ADGRB3: variants seen among roughly 807,000 people sequenced by gnomAD.
The protein encoded by ADGRB3 is adhesion G protein-coupled receptor B3, also known as brain-specific angiogenesis inhibitor 3.
In ADGRB3, 37 loss-of-function variants were observed where a neutral mutation model predicts 193.4. That is an observed-to-expected ratio of 0.19 (90% CI 0.15 to 0.25). The LOEUF is 0.25. Ranked by LOEUF, ADGRB3 falls within the 10% of genes least tolerant of loss-of-function variation. ADGRB3 has a pLI of 1.00. For synonymous variants in ADGRB3, 690 were observed against 644.2 expected, an observed-to-expected ratio of 1.07 and a Z score of -1.08; for missense variants, 1,637 against 1,852.9, an observed-to-expected ratio of 0.88 and a Z score of 2.14.
intron 15 of ADGRB3, among the ~76,000 whole-genome samples, chr6:69,060,206 GTCTCTCTCTCTCTTTC>G: frequency 1.4e-5 from 1 of 69,770 alleles, no homozygotes; most frequent in South Asian, 3.8e-4. Context: ...CTCTTTCTCT[GTCTCTCTCTCTCTTTC>G]TCTCTCTCTC....
At chr6:68,782,271 C>T (rs929909735) in intron 3 of ADGRB3, among the ~76,000 whole-genome samples, 3 of 151,558 alleles carry the variant, frequency 2.0e-5, no homozygotes, top group Non-Finnish European at 2.9e-5. Flanking sequence ...TGGTTTCCAG[C>T]GTCATCTATG....
chr6:68,817,193 G>T (rs1053578388), intron 3 of ADGRB3, among the ~76,000 whole-genome samples: 1 of 150,172 alleles, frequency 6.7e-6, no homozygotes, highest in Non-Finnish European at 1.5e-5. Context: ...GAATGAATGT[G>T]TAGAAGAAAA....
chr6:68,937,296 A>G (rs1767510421), intron 5 of ADGRB3, among the ~76,000 whole-genome samples: 1 of 152,170 alleles, frequency 6.6e-6, no homozygotes, highest in Non-Finnish European at 1.5e-5. Flanking sequence ...ACTTAGTGTC[A>G]GATTTTCCAT....
chr6:68,951,402 T>C (rs1767914273), intron 6 of ADGRB3, among the ~76,000 whole-genome samples: 1 of 152,092 alleles, frequency 6.6e-6, no homozygotes, highest in South Asian at 2.1e-4. Context: ...CTTTATCACG[T>C]TGTCTTCATA....
Position 68,973,537 on chromosome 6 carries a change from A to G in ADGRB3, c.1526-1226A>G, listed in dbSNP as rs1768647737. Among the ~76,000 whole-genome samples the G allele has an allele frequency of 2.0e-5, 3 of 152,358 alleles. No individual in the cohort carries two copies. In the South Asian group the frequency reaches 6.2e-4, roughly 32 times the overall value. ...GGATTAAATATTATATTATTCTGCA[A>G]GGAAGATGTTTCTCCCAAGAAATCA... On this transcript the variant is annotated intron_variant, in intron 8 of 31. Transcript: ENST00000370598.
chr6:68,764,649 A>G lies in ADGRB3; in HGVS notation c.757+125217A>G, dbSNP rs552206199. Among the ~76,000 whole-genome samples the G allele has an allele frequency of 2.0e-5, 3 of 152,314 alleles. No homozygotes were observed. In the East Asian group the frequency reaches 5.8e-4, roughly 29 times the overall value. On this transcript the variant is annotated intron_variant, in intron 3 of 31. Coordinates refer to ENST00000370598, the MANE Select transcript of ADGRB3 (RefSeq NM_001704.3). The stretch of plus-strand genomic sequence containing the variant: ...AGAGTTTCACAGGAAGTGTGAAGAT[A>G]GAGATGGAAGCCTTTTAAAATTGTC...
chr6:69,212,240 T>C (rs1011065327), intron 17 of ADGRB3, among the ~76,000 whole-genome samples: 3 of 152,174 alleles, frequency 2.0e-5, no homozygotes, highest in Non-Finnish European at 2.9e-5. Context: ...TTTTCTAATA[T>C]TGCCCTCTAA....
chr6:69,339,005 G>C lies in ADGRB3; in HGVS notation c.3278G>C (p.Ser1093Thr). The change falls in exon 25 of 32, where the codon AGT (serine) becomes ACT (threonine). Residue 1093 changes from serine (S) to threonine (T), a missense_variant. By Grantham distance (58) the Ser-to-Thr change is moderately conservative. Around this residue, in one of 7 missense-constraint regions of ADGRB3, gnomAD observed 116 missense variants for 168.1 expected, o/e 0.69. Transcript: ENST00000370598. The stretch of plus-strand genomic sequence containing the variant: ...ACAGCTTTGTCAGCCACCACCGCCA[G>C]TAACGCCATGTTAGTCCCAATCATT... ...STTALSATTA[S>T]NAMASLWSSC... 6.2e-7 allele frequency: 1 copy of C among 1,613,722 alleles called. No homozygotes were observed. The highest frequency in any genetic ancestry group is 8.5e-7 in the Non-Finnish European group (1 of 1,179,740).
At chr6:69,367,327 C>T (rs1357235217) in intron 29 of ADGRB3, among the ~76,000 whole-genome samples, 3 of 152,076 alleles carry the variant, frequency 2.0e-5, no homozygotes, top group Admixed American at 6.6e-5. Context: ...AAAAGATTGT[C>T]ACAATGTGTC....
At chr6:69,212,143 C>T (rs1765681409) in intron 17 of ADGRB3, among the ~76,000 whole-genome samples, 1 of 152,238 alleles carries the variant, frequency 6.6e-6, no homozygotes, top group South Asian at 2.1e-4. Flanking sequence ...GTTACTGTAA[C>T]CTCACTTTGA....
At chr6:69,054,965 T>G (rs1336485393) in intron 15 of ADGRB3, among the ~76,000 whole-genome samples, 1 of 152,210 alleles carries the variant, frequency 6.6e-6, no homozygotes, top group Non-Finnish European at 1.5e-5. Context: ...TTATGAAAGT[T>G]TCATTTTTGA....
chr6:68,852,048 A>G (rs1032152140), intron 3 of ADGRB3, among the ~76,000 whole-genome samples: 10 of 151,976 alleles, frequency 6.6e-5, no homozygotes, highest in Admixed American at 6.6e-4. Context: ...ACTATAACCT[A>G]TTGTAGGTTT....
chr6:68,814,974 A>G (rs1185227702), intron 3 of ADGRB3, among the ~76,000 whole-genome samples: 1 of 152,198 alleles, frequency 6.6e-6, no homozygotes, highest in African/African-American at 2.4e-5. Flanking sequence ...TTCGGTATTG[A>G]TGGGACGTAT....
rs186094919 is a variant in ADGRB3 at position 69,259,836 on chromosome 6, A to G, written c.2814+20610A>G. Among the ~76,000 whole-genome samples the G allele has an allele frequency of 4.7e-4, 72 of 152,278 alleles. 1 individual carries two copies. Among genetic ancestry groups the G allele is most frequent in the African/African-American group, 1.6e-3 (68 of 41,558 alleles). The stretch of plus-strand genomic sequence containing the variant: ...GGACTCAGATATAAAGACATTGGAT[A>G]TATCAGAGAATAATAAAATAATAAT... On this transcript the variant is annotated intron_variant, in intron 20 of 31. Transcript: ENST00000370598.
intron 17 of ADGRB3, among the ~76,000 whole-genome samples, chr6:69,197,829 G>T (rs973353535): frequency 6.6e-6 from 1 of 152,064 alleles, no homozygotes; most frequent in South Asian, 2.1e-4. Flanking sequence ...GATTCATGAA[G>T]TATTTTGCAA....
intron 17 of ADGRB3, among the ~76,000 whole-genome samples, chr6:69,159,183 T>G (rs1021737186): frequency 6.6e-5 from 10 of 152,068 alleles, no homozygotes; most frequent in African/African-American, 1.9e-4. Flanking sequence ...TCATTGTCCC[T>G]GAAATTCTTT....
intron 17 of ADGRB3, among the ~76,000 whole-genome samples, chr6:69,121,605 C>T (rs372651616): frequency 6.6e-6 from 1 of 151,254 alleles, no homozygotes; most frequent in Non-Finnish European, 1.5e-5. Context: ...GGGACAGAGG[C>T]GCTCCTCACT....
intron 3 of ADGRB3, among the ~76,000 whole-genome samples, chr6:68,776,546 T>G (rs953050218): frequency 1.3e-5 from 2 of 152,154 alleles, no homozygotes; most frequent in Non-Finnish European, 2.9e-5. Flanking sequence ...AAATGCAGAC[T>G]CCCACTCTTA....
intron 3 of ADGRB3, among the ~76,000 whole-genome samples, chr6:68,923,265 A>AAT (rs539642489): frequency 3.1e-3 from 476 of 152,204 alleles, no homozygotes; most frequent in African/African-American, 0.011. Context: ...TTTTTATATC[A>AAT]ATATAATAGG....
Sources: allele counts gnomAD v4.1 joint callset (sites outside exome capture counted in the v4.1 genomes callset), GRCh38; gene constraint gnomAD v4.1.1; regional missense constraint gnomAD v4.1.1; transcripts MANE v1.5; gene names NCBI Gene and HGNC (gene_info 2026-07-23, HGNC 2026-07-21).